The following USP9X variants were observed in gnomAD, a reference collection of about 807,000 sequenced individuals.
USP9X encodes the protein ubiquitin specific peptidase 9 X-linked.
Under a neutral mutation model 190.3 loss-of-function variants are expected in USP9X, and 7 were observed. The observed-to-expected ratio is 0.04, with a 90% confidence interval of 0.02 to 0.07. The LOEUF is 0.07. USP9X is among the 10% of genes least tolerant of loss of function. USP9X has a pLI of 1.00. For synonymous variants in USP9X, 645 were observed against 659.5 expected, an observed-to-expected ratio of 0.98 and a Z score of 0.34; for missense variants, 1,010 against 1,916.9, an observed-to-expected ratio of 0.53 and a Z score of 8.83.
intron 1 of USP9X, among the ~76,000 whole-genome samples, chrX:41,099,096 G>GGTTTTTTTTT (rs2062014904): frequency 2.3e-5 from 1 of 44,274 alleles, no homozygotes; most frequent in East Asian, 9.8e-4. Context: ...CCAGATAATT[G>GGTTTTTTTTT]TTTTTTTTTT....
At chrX:41,169,407 A>G (rs905341174) in intron 18 of USP9X, among the ~76,000 whole-genome samples, 3 of 112,181 alleles carry the variant, frequency 2.7e-5, no homozygotes, top group African/African-American at 9.7e-5. Context: ...ACTAACAACA[A>G]TAGAATATGA....
At chrX:41,122,893 G>C in intron 1 of USP9X, among the ~76,000 whole-genome samples, 1 of 110,996 alleles carries the variant, frequency 9.0e-6, no homozygotes, top group Middle Eastern at 4.6e-3. Context: ...CCCCCAGCTT[G>C]AACCTCCTCT....
intron 14 of USP9X, among the ~76,000 whole-genome samples, chrX:41,153,774 C>T (rs1389756062): frequency 1.8e-5 from 2 of 111,653 alleles, no homozygotes; most frequent in Non-Finnish European, 3.8e-5. Context: ...TACCCCTTTC[C>T]CCACTGATAC....
At chrX:41,170,332 T>A in intron 19 of USP9X, 97 bp downstream of exon 19, 1 of 1,076,792 alleles carries the variant, frequency 9.3e-7, no homozygotes, top group Admixed American at 2.7e-5. Flanking sequence ...TGTTTGGGAC[T>A]GTGTTAGGTG....
At chrX:41,182,972 C>T (rs1462442048) in intron 21 of USP9X, among the ~76,000 whole-genome samples, 1 of 104,062 alleles carries the variant, frequency 9.6e-6, no homozygotes, top group Non-Finnish European at 2.0e-5. Flanking sequence ...GAGTTTCGCT[C>T]TTGTTGCCCA....
chrX:41,093,099 TCAAG>T (rs377249302), intron 1 of USP9X, among the ~76,000 whole-genome samples: 3 of 111,745 alleles, frequency 2.7e-5, no homozygotes, highest in African/African-American at 9.8e-5. Flanking sequence ...ACTCCTGGCC[TCAAG>T]CAATCCTCCT....
intron 18 of USP9X, among the ~76,000 whole-genome samples, chrX:41,168,828 C>T (rs1447179651): frequency 2.7e-5 from 3 of 112,274 alleles, no homozygotes; most frequent in African/African-American, 9.7e-5. Context: ...CCTTGCATGG[C>T]ATATAACAAA....
At chrX:41,213,168 A>T (rs1221032677) in intron 33 of USP9X, among the ~76,000 whole-genome samples, 1 of 110,853 alleles carries the variant, frequency 9.0e-6, no homozygotes, top group Non-Finnish European at 1.9e-5. Context: ...ATGGGGGTGG[A>T]CTCCTGTAGT....
intron 38 of USP9X, among the ~76,000 whole-genome samples, chrX:41,222,061 A>G (rs181914841): frequency 2.4e-3 from 269 of 111,779 alleles, no homozygotes; most frequent in Non-Finnish European, 3.7e-3. Flanking sequence ...ATGTATGGGA[A>G]GAAAGGGGTG....
chrX:41,218,282 C>CT (rs1246557156), intron 36 of USP9X, 90 bp from the exon 37 acceptor site: 5,148 of 764,571 alleles, frequency 6.7e-3, no homozygotes, highest in Non-Finnish European at 7.8e-3. Context: ...AGATCTTTGT[C>CT]TTTTTTTTTT....
chrX:41,163,440 G>A (rs1324982531), intron 15 of USP9X, among the ~76,000 whole-genome samples: 1 of 111,493 alleles, frequency 9.0e-6, no homozygotes, highest in Admixed American at 9.6e-5. Flanking sequence ...CTTAACAGAT[G>A]TGCAAAGTGC....
At chrX:41,168,902 A>G (rs1291994115) in intron 18 of USP9X, among the ~76,000 whole-genome samples, 4 of 111,787 alleles carry the variant, frequency 3.6e-5, no homozygotes, top group African/African-American at 1.3e-4. Flanking sequence ...ATTTTTTTTA[A>G]AGAGTTTTGT....
At chrX:41,190,667 A>T (rs1042683409) in intron 26 of USP9X, among the ~76,000 whole-genome samples, 10 of 111,813 alleles carry the variant, frequency 8.9e-5, no homozygotes, top group Middle Eastern at 4.6e-3. Context: ...TAAAATCTTA[A>T]ATTAGGAACT....
intron 1 of USP9X, among the ~76,000 whole-genome samples, chrX:41,108,288 G>C (rs143532957): frequency 9.0e-6 from 1 of 111,655 alleles, no homozygotes; most frequent in African/African-American, 3.3e-5. Context: ...ACCTCTCTCT[G>C]TGTTGGTATC....
chrX:41,215,335 C>T (rs2063202291), intron 34 of USP9X, among the ~76,000 whole-genome samples: 1 of 112,691 alleles, frequency 8.9e-6, no homozygotes, highest in African/African-American at 3.2e-5. Context: ...GTTGTTTTGG[C>T]CTTATGCACC....
chrX:41,120,059 A>C (rs997784786), intron 1 of USP9X, among the ~76,000 whole-genome samples: 1 of 111,783 alleles, frequency 8.9e-6, no homozygotes, highest in Non-Finnish European at 1.9e-5. Flanking sequence ...CTTTAGACTC[A>C]CCAGTACTTG....
At chrX:41,113,751 G>A (rs1601942931) in intron 1 of USP9X, among the ~76,000 whole-genome samples, 1 of 110,790 alleles carries the variant, frequency 9.0e-6, no homozygotes, top group East Asian at 2.8e-4. Context: ...AAAAAAACAG[G>A]ATAAACTGCA....
At chrX:41,184,974 C>A (rs1434161242) in intron 23 of USP9X, among the ~76,000 whole-genome samples, 1 of 111,861 alleles carries the variant, frequency 8.9e-6, no homozygotes, top group Non-Finnish European at 1.9e-5. Flanking sequence ...TATAAAGACA[C>A]AGATTGTAAT....
At position 41,170,125 on chromosome X, in the gene USP9X, A is replaced by G. The variant is rs1461161755; in HGVS notation, c.2767A>G (p.Ile923Val). The change falls in exon 19 of 45, where the codon ATT becomes GTT. Residue 923 changes from isoleucine to valine, a missense_variant. Around this residue, in one of 11 missense-constraint regions of USP9X, gnomAD observed 351 missense variants for 480.8 expected, o/e 0.73. Coordinates refer to ENST00000378308, the MANE Select transcript of USP9X (RefSeq NM_001039591.3). ...GSVRRCILNR[I>V]KANVAHTKIE... is the part of the protein sequence containing the mutation. ...AGTACGACGATGTATTCTCAATCGT[A>G]TTAAAGCCAACGTAGCCCATACAAA... is the stretch of plus-strand genomic sequence containing the variant. 2 of 1,212,098 alleles carry G rather than the reference A, an allele frequency of 1.7e-6. No individual in the cohort carries two copies. Among genetic ancestry groups the G allele is most frequent in the Non-Finnish European group, 2.2e-6 (2 of 895,627 alleles).
Sources: allele counts gnomAD v4.1 joint callset (sites outside exome capture counted in the v4.1 genomes callset), GRCh38; gene constraint gnomAD v4.1.1; regional missense constraint gnomAD v4.1.1; transcripts MANE v1.5; gene names NCBI Gene and HGNC (gene_info 2026-07-23, HGNC 2026-07-21).